The following PTPRO variants were observed in gnomAD, a reference collection of about 807,000 sequenced individuals.
The protein encoded by PTPRO is protein tyrosine phosphatase receptor type O.
In PTPRO, 62 loss-of-function variants were observed where a neutral mutation model predicts 145.2. That is an observed-to-expected ratio of 0.43 (90% confidence interval 0.35 to 0.53). PTPRO has a LOEUF of 0.53. Ranked by LOEUF, PTPRO falls within the 20% of genes least tolerant of loss-of-function variation. The pLI is 0.01. For missense variants in PTPRO, 1,345 were observed against 1,482.7 expected (o/e 0.91, Z 1.53); for synonymous variants, 565 against 514.7 (o/e 1.10, Z -1.32).
chr12:15,495,936 G>T (rs1237322948), intron 2 of PTPRO, among the ~76,000 whole-genome samples: 1 of 151,934 alleles, frequency 6.6e-6, no homozygotes, highest in Non-Finnish European at 1.5e-5. Flanking sequence ...TACAACATGG[G>T]TCATTAATTA....
chr12:15,349,326 G>A (rs907693261), intron 1 of PTPRO, among the ~76,000 whole-genome samples: 23 of 152,300 alleles, frequency 1.5e-4, no homozygotes, highest in African/African-American at 5.5e-4. Flanking sequence ...GGAGATGGAT[G>A]AGTGATAGAA....
At chr12:15,570,747 A>T (rs73068604) in intron 19 of PTPRO, among the ~76,000 whole-genome samples, 1 of 152,194 alleles carries the variant, frequency 6.6e-6, no homozygotes, top group Non-Finnish European at 1.5e-5. Context: ...GAAAAAATAA[A>T]TAGCTAGATG....
At chr12:15,509,888 T>C (rs2284429) in intron 7 of PTPRO, among the ~76,000 whole-genome samples, 101,917 of 151,134 alleles carry the variant, frequency 0.67, 34,901 homozygotes, top group Admixed American at 0.73. Context: ...CTAGTGAAAC[T>C]GTGCAACTGG....
chr12:15,358,476 T>TGC (rs1490517053), intron 1 of PTPRO, among the ~76,000 whole-genome samples: 12 of 152,166 alleles, frequency 7.9e-5, no homozygotes, highest in African/African-American at 2.9e-4. Context: ...TACTCCTACC[T>TGC]AACTCCCCCA....
chr12:15,417,580 C>T (rs1280495639), intron 1 of PTPRO, among the ~76,000 whole-genome samples: 1 of 151,722 alleles, frequency 6.6e-6, no homozygotes, highest in Non-Finnish European at 1.5e-5. Flanking sequence ...CCACCCCAGA[C>T]TTACTAAATC....
intron 1 of PTPRO, among the ~76,000 whole-genome samples, chr12:15,451,662 G>A (rs1436447322): frequency 6.6e-6 from 1 of 152,074 alleles, no homozygotes; most frequent in Admixed American, 6.6e-5. Context: ...GACCACAATG[G>A]AATAAAATTG....
At chr12:15,459,169 T>A (rs532897272) in intron 1 of PTPRO, among the ~76,000 whole-genome samples, 1 of 152,194 alleles carries the variant, frequency 6.6e-6, no homozygotes, top group Non-Finnish European at 1.5e-5. Flanking sequence ...ACGTTAAATA[T>A]GTGATCCAAC....
intron 1 of PTPRO, among the ~76,000 whole-genome samples, chr12:15,436,218 T>C (rs1468170557): frequency 6.6e-6 from 1 of 151,824 alleles, no homozygotes; most frequent in Non-Finnish European, 1.5e-5. Context: ...TTAAAAGAAC[T>C]AGAGAAGCAA....
intron 1 of PTPRO, among the ~76,000 whole-genome samples, chr12:15,471,957 G>C (rs1011858047): frequency 1.3e-5 from 2 of 152,178 alleles, no homozygotes; most frequent in Middle Eastern, 3.2e-3. Context: ...GAATACCCAG[G>C]TGGAAAAGGT....
intron 1 of PTPRO, among the ~76,000 whole-genome samples, chr12:15,478,023 G>A (rs372443854): frequency 2.0e-5 from 3 of 152,152 alleles, no homozygotes; most frequent in East Asian, 3.9e-4. Flanking sequence ...CAGCTGCTCT[G>A]TGTTTCTGAT....
At chr12:15,497,559 G>A (rs1372465486) in intron 3 of PTPRO, among the ~76,000 whole-genome samples, 156 bp downstream of exon 3, 2 of 152,222 alleles carry the variant, frequency 1.3e-5, no homozygotes, top group African/African-American at 4.8e-5. Context: ...TGAAAATCGT[G>A]TTATGAGGAA....
At chr12:15,472,726 TA>T (rs1177478317) in intron 1 of PTPRO, among the ~76,000 whole-genome samples, 1 of 152,152 alleles carries the variant, frequency 6.6e-6, no homozygotes, top group Non-Finnish European at 1.5e-5. Flanking sequence ...TCAAACAAAT[TA>T]AAGAATATGT....
intron 1 of PTPRO, among the ~76,000 whole-genome samples, chr12:15,428,071 G>C (rs979259167): frequency 2.0e-5 from 3 of 152,080 alleles, no homozygotes; most frequent in African/African-American, 7.2e-5. Flanking sequence ...AGAAATGTGT[G>C]GGTCTGGTTT....
intron 1 of PTPRO, among the ~76,000 whole-genome samples, chr12:15,452,894 T>C (rs1941082286): frequency 6.6e-6 from 1 of 152,174 alleles, no homozygotes; most frequent in Non-Finnish European, 1.5e-5. Context: ...CTTTAATAGA[T>C]TGTTTCCATT....
intron 1 of PTPRO, among the ~76,000 whole-genome samples, chr12:15,468,231 A>G (rs139238470): frequency 6.6e-6 from 1 of 152,138 alleles, no homozygotes; most frequent in African/African-American, 2.4e-5. Context: ...TTCCACCCCC[A>G]ATAGGAATTC....
At chr12:15,504,200 G>T in intron 6 of PTPRO, 131 bp downstream of exon 6, 1 of 1,000,964 alleles carries the variant, frequency 1.0e-6, no homozygotes, top group Middle Eastern at 2.2e-4. Flanking sequence ...ATCAGGAGAG[G>T]CTGAGATCCA....
chr12:15,341,828 G>A (rs1866999572), intron 1 of PTPRO, among the ~76,000 whole-genome samples: 1 of 152,176 alleles, frequency 6.6e-6, no homozygotes, highest in Non-Finnish European at 1.5e-5. Flanking sequence ...ATAGAGCAAA[G>A]CAGCATAAAG....
intron 1 of PTPRO, among the ~76,000 whole-genome samples, chr12:15,392,461 C>T (rs1478725421): frequency 6.6e-6 from 1 of 152,064 alleles, no homozygotes; most frequent in Admixed American, 6.5e-5. Context: ...TGGCTCATCC[C>T]TATAATCCCA....
chr12:15,555,168 G>A (rs896449302), intron 15 of PTPRO, among the ~76,000 whole-genome samples: 3 of 152,142 alleles, frequency 2.0e-5, no homozygotes, highest in African/African-American at 4.8e-5. Flanking sequence ...GACTTGGGGG[G>A]CGGAGGTTGC....
Sources: allele counts gnomAD v4.1 joint callset (sites outside exome capture counted in the v4.1 genomes callset), GRCh38; gene constraint gnomAD v4.1.1; transcripts MANE v1.5; gene names NCBI Gene and HGNC (gene_info 2026-07-23, HGNC 2026-07-21).